SEMA3A: variants seen among roughly 807,000 people sequenced by gnomAD.
SEMA3A encodes the protein semaphorin 3A.
SEMA3A carries 29 observed loss-of-function variants against 97.9 expected under a neutral mutation model. That is an observed-to-expected ratio of 0.30 (90% CI 0.22 to 0.40). The LOEUF (loss-of-function observed/expected upper bound fraction) is 0.40. SEMA3A is among the 10% of genes least tolerant of loss of function. The pLI, the probability that SEMA3A is intolerant of heterozygous loss-of-function variation, is 1.00. For missense variants in SEMA3A, 763 were observed against 951.3 expected, an observed-to-expected ratio of 0.80 and a Z score of 2.60; for synonymous variants, 321 against 323.7, an observed-to-expected ratio of 0.99 and a Z score of 0.09.
At chr7:84,082,311 A>T (rs1794192896) in intron 4 of SEMA3A, among the ~76,000 whole-genome samples, 1 of 152,304 alleles carries the variant, frequency 6.6e-6, no homozygotes, top group Middle Eastern at 3.4e-3. Flanking sequence ...TGTTCTAGCT[A>T]CAGAGCTACA....
intron 6 of SEMA3A, among the ~76,000 whole-genome samples, chr7:84,040,195 C>T (rs1792085117): frequency 2.0e-5 from 3 of 150,094 alleles, no homozygotes; most frequent in African/African-American, 7.4e-5. Context: ...ATTCCTTTCA[C>T]TCAGAGTGAT....
chr7:84,340,154 C>T (rs769128686), intron 2 of SEMA3A, among the ~76,000 whole-genome samples: 1 of 152,164 alleles, frequency 6.6e-6, no homozygotes, highest in South Asian at 2.1e-4. Context: ...TATACTTTTA[C>T]AATTTCTGAA....
At chr7:84,442,298 G>T (rs953749803) in intron 1 of SEMA3A, among the ~76,000 whole-genome samples, 1 of 152,034 alleles carries the variant, frequency 6.6e-6, no homozygotes, top group African/African-American at 2.4e-5. Context: ...AATGTATAAA[G>T]ATGTTAATTT....
chr7:84,226,044 A>T (rs947542430), intron 3 of SEMA3A, among the ~76,000 whole-genome samples: 1 of 152,166 alleles, frequency 6.6e-6, no homozygotes, highest in Non-Finnish European at 1.5e-5. Flanking sequence ...TATTGCATAT[A>T]TGGTAGATTT....
chr7:84,062,268 CAA>C (rs1793250453), intron 4 of SEMA3A, among the ~76,000 whole-genome samples: 2 of 152,190 alleles, frequency 1.3e-5, no homozygotes, highest in South Asian at 4.1e-4. Flanking sequence ...CACTAAATTA[CAA>C]ACTTTTTCAC....
At chr7:84,425,094 A>T (rs1400108041) in intron 1 of SEMA3A, among the ~76,000 whole-genome samples, 22 of 107,716 alleles carry the variant, frequency 2.0e-4, no homozygotes, top group African/African-American at 7.7e-4. Context: ...TTATATTTTT[A>T]TATAAATATA....
intron 3 of SEMA3A, among the ~76,000 whole-genome samples, chr7:84,112,680 C>G (rs533361214): frequency 1.2e-4 from 19 of 152,316 alleles, no homozygotes; most frequent in African/African-American, 4.6e-4. Context: ...GTGACTACAT[C>G]TGTCCTTCCA....
At chr7:84,021,597 T>C (rs1366775469) in intron 6 of SEMA3A, among the ~76,000 whole-genome samples, 3 of 152,234 alleles carry the variant, frequency 2.0e-5, no homozygotes, top group Admixed American at 1.3e-4. Flanking sequence ...CTGGTGCATA[T>C]TCCACAATTA....
intron 6 of SEMA3A, among the ~76,000 whole-genome samples, chr7:84,030,987 G>GTTTTTTTTTTTTTTTTTT: frequency 1.1e-5 from 1 of 95,022 alleles, no homozygotes; most frequent in Non-Finnish European, 1.9e-5. Context: ...TTTTGGTCAA[G>GTTTTTTTTTTTTTTTTTT]TTTTTTTTTT....
At chr7:84,182,015 T>C (rs1362670916) in intron 1 of SEMA3A, among the ~76,000 whole-genome samples, 1 of 152,158 alleles carries the variant, frequency 6.6e-6, no homozygotes, top group Admixed American at 6.5e-5. Context: ...TCTAATGACG[T>C]CTAGATTTCT....
intron 1 of SEMA3A, among the ~76,000 whole-genome samples, chr7:84,182,121 T>A (rs550607289): frequency 6.6e-6 from 1 of 152,290 alleles, no homozygotes; most frequent in South Asian, 2.1e-4. Flanking sequence ...GACTGCAGGT[T>A]TATTTTCTTG....
chr7:84,357,068 C>A (rs997255454), intron 2 of SEMA3A, among the ~76,000 whole-genome samples: 5 of 151,216 alleles, frequency 3.3e-5, no homozygotes, highest in African/African-American at 9.7e-5. Flanking sequence ...TAAGTTGGCA[C>A]ATTTTTCTCT....
At chr7:84,292,263 C>T (rs1181825142) in intron 3 of SEMA3A, among the ~76,000 whole-genome samples, 1 of 151,934 alleles carries the variant, frequency 6.6e-6, no homozygotes, top group Non-Finnish European at 1.5e-5. Flanking sequence ...TTAAATGCTG[C>T]CTAATTGTCA....
At chr7:84,194,422 G>GC (rs1798150878) in intron 1 of SEMA3A, 53 bp downstream of exon 1, 2 of 216,998 alleles carry the variant, frequency 9.2e-6, no homozygotes, top group Non-Finnish European at 1.7e-5. Flanking sequence ...AAGGAATTAA[G>GC]GGGGGGGGCG....
At chr7:84,227,214 G>A (rs1799010557) in intron 3 of SEMA3A, among the ~76,000 whole-genome samples, 1 of 151,666 alleles carries the variant, frequency 6.6e-6, no homozygotes, top group Admixed American at 6.6e-5. Flanking sequence ...AGATAGATAT[G>A]AAGAAGATTC....
chr7:84,269,815 T>G (rs1006773592), intron 3 of SEMA3A, among the ~76,000 whole-genome samples: 2 of 152,094 alleles, frequency 1.3e-5, no homozygotes, highest in African/African-American at 4.8e-5. Flanking sequence ...GGTAAAATAT[T>G]TAATTTAGTG....
intron 4 of SEMA3A, among the ~76,000 whole-genome samples, chr7:84,086,027 G>A (rs1466741112): frequency 3.3e-5 from 5 of 152,054 alleles, no homozygotes; most frequent in African/African-American, 7.2e-5. Flanking sequence ...CAGGGAAGGG[G>A]CCAGAATAAT....
At chr7:84,353,316 T>C (rs1220193207) in intron 2 of SEMA3A, among the ~76,000 whole-genome samples, 1 of 150,614 alleles carries the variant, frequency 6.6e-6, no homozygotes, top group African/African-American at 2.5e-5. Context: ...TCTTTATATA[T>C]TTTATATATT....
intron 4 of SEMA3A, among the ~76,000 whole-genome samples, chr7:84,099,065 C>CAATAAAAATTCGCA (rs1583964171): frequency 1.1e-5 from 1 of 92,554 alleles, no homozygotes; most frequent in Non-Finnish European, 2.3e-5. Context: ...ATTACATTTT[C>CAATAAAAATTCGCA]TTTTTTTTTC....
Sources: allele counts gnomAD v4.1 joint callset (sites outside exome capture counted in the v4.1 genomes callset), GRCh38; gene constraint gnomAD v4.1.1; transcripts MANE v1.5; gene names NCBI Gene and HGNC (gene_info 2026-07-23, HGNC 2026-07-21).